Variants in RGS7 observed in about 807,000 individuals in gnomAD.
RGS7 encodes the protein regulator of G-protein signaling 7.
In RGS7, 27 loss-of-function variants were observed where a neutral mutation model predicts 81.1. The observed-to-expected ratio is 0.33, with a 90% CI of 0.25 to 0.46. The LOEUF (loss-of-function observed/expected upper bound fraction) is 0.46, where lower values mean the gene tolerates loss of function less well. Ranked by LOEUF, RGS7 falls within the 20% of genes least tolerant of loss-of-function variation. The pLI, the probability that RGS7 is intolerant of heterozygous loss-of-function variation, is 1.00. For missense variants in RGS7, 396 were observed against 607.4 expected (o/e 0.65, Z 3.66); for synonymous variants, 208 against 207.7 (o/e 1.00, Z -0.01).
chr1:240,991,143 A>G (rs1325853569), intron 3 of RGS7, among the ~76,000 whole-genome samples: 2 of 152,216 alleles, frequency 1.3e-5, no homozygotes, highest in Non-Finnish European at 2.9e-5. Flanking sequence ...AACAAATTAG[A>G]GTTCTGTGGT....
intron 2 of RGS7, among the ~76,000 whole-genome samples, chr1:241,138,028 G>A (rs1224246423): frequency 3.3e-5 from 5 of 151,852 alleles, no homozygotes; most frequent in African/African-American, 7.3e-5. Context: ...AAAATTAGCC[G>A]GGTGTGGTGG....
chr1:240,833,118 C>T (rs1449209961), intron 9 of RGS7, among the ~76,000 whole-genome samples: 3 of 152,100 alleles, frequency 2.0e-5, no homozygotes, highest in Admixed American at 1.3e-4. Context: ...AGCCTCACTG[C>T]GCTTGGGCTT....
chr1:241,307,250 C>T (rs1383369527), intron 2 of RGS7, among the ~76,000 whole-genome samples: 1 of 152,104 alleles, frequency 6.6e-6, no homozygotes, highest in African/African-American at 2.4e-5. Flanking sequence ...CTTTCTACTC[C>T]CTCCTAATGA....
At chr1:241,066,111 C>T (rs1396892094) in intron 3 of RGS7, among the ~76,000 whole-genome samples, 2 of 152,122 alleles carry the variant, frequency 1.3e-5, no homozygotes, top group African/African-American at 4.8e-5. Flanking sequence ...AATTCTTATT[C>T]ATCTCATCTA....
intron 2 of RGS7, among the ~76,000 whole-genome samples, chr1:241,250,810 A>G (rs930353044): frequency 4.6e-5 from 7 of 152,260 alleles, no homozygotes; most frequent in Non-Finnish European, 1.0e-4. Context: ...TATTGGTACC[A>G]TAAGAAGTTC....
intron 2 of RGS7, among the ~76,000 whole-genome samples, chr1:241,207,873 C>A (rs1158925201): frequency 6.6e-6 from 1 of 152,134 alleles, no homozygotes; most frequent in African/African-American, 2.4e-5. Flanking sequence ...TTCTGCTTTA[C>A]TTGTTTTGGG....
At chr1:240,871,708 T>C (rs1411427143) in intron 6 of RGS7, among the ~76,000 whole-genome samples, 2 of 152,200 alleles carry the variant, frequency 1.3e-5, no homozygotes, top group Non-Finnish European at 2.9e-5. Flanking sequence ...TTGAATAAAA[T>C]ATCTAAAATG....
At chr1:241,314,669 C>T (rs896306444) in intron 2 of RGS7, among the ~76,000 whole-genome samples, 28 of 152,192 alleles carry the variant, frequency 1.8e-4, no homozygotes, top group Admixed American at 8.5e-4. Context: ...AAAAGTAGAG[C>T]GCAGTGGGAA....
intron 2 of RGS7, among the ~76,000 whole-genome samples, chr1:241,303,863 A>G (rs7539874): frequency 0.27 from 41,712 of 152,004 alleles, 6,742 homozygotes; most frequent in African/African-American, 0.44. Flanking sequence ...GTGGCTTGCT[A>G]AGATGCAGGA....
intron 3 of RGS7, among the ~76,000 whole-genome samples, chr1:241,094,844 T>A (rs2064138411): frequency 6.6e-6 from 1 of 152,206 alleles, no homozygotes; most frequent in African/African-American, 2.4e-5. Flanking sequence ...GGGCATTACT[T>A]GGCCACCATG....
chr1:240,973,954 T>C (rs1356074772), intron 4 of RGS7, among the ~76,000 whole-genome samples: 1 of 152,174 alleles, frequency 6.6e-6, no homozygotes, highest in Non-Finnish European at 1.5e-5. Context: ...GCAGTTTAAC[T>C]AAATTCGTGG....
Position 240,855,500 on chromosome 1 carries a change from G to A in RGS7, c.609+13087C>T, listed in dbSNP as rs573171045. Among the ~76,000 whole-genome samples, 4 of 150,988 alleles carry A rather than the reference G, an allele frequency of 2.6e-5. No homozygotes were observed. In the South Asian group the frequency reaches 8.4e-4, roughly 32 times the overall value. On this transcript the variant is annotated intron_variant, in intron 9 of 18. Coordinates refer to ENST00000440928, the MANE Select transcript of RGS7 (RefSeq NM_001364886.1). ...GGCTGGAATGCAACGGCATGGTCACGGCTCACTGTGGCCTTGACCTCCCGG... is the reference window on the plus strand; with the variant it reads ...GGCTGGAATGCAACGGCATGGTCACAGCTCACTGTGGCCTTGACCTCCCGG...
chr1:241,066,245 G>A (rs1314888641), intron 3 of RGS7, among the ~76,000 whole-genome samples: 1 of 152,156 alleles, frequency 6.6e-6, no homozygotes, highest in African/African-American at 2.4e-5. Context: ...ATGCAAGAAT[G>A]GATGAGCAAT....
intron 18 of RGS7, among the ~76,000 whole-genome samples, chr1:240,782,959 C>T (rs1258614123): frequency 2.6e-5 from 4 of 152,134 alleles, no homozygotes; most frequent in Admixed American, 1.3e-4. Flanking sequence ...GACAAATATA[C>T]TCAGAACATA....
At chr1:241,153,690 G>T (rs1365398593) in intron 2 of RGS7, among the ~76,000 whole-genome samples, 1 of 152,206 alleles carries the variant, frequency 6.6e-6, no homozygotes, top group Non-Finnish European at 1.5e-5. Flanking sequence ...GACTTTTTCA[G>T]TAATAATGGT....
chr1:241,044,905 GATTA>G (rs1428149551), intron 3 of RGS7, among the ~76,000 whole-genome samples: 7 of 152,156 alleles, frequency 4.6e-5, no homozygotes, highest in East Asian at 1.9e-4. Context: ...TATTATAACT[GATTA>G]ATTGTTTTAA....
At chr1:241,209,294 G>A (rs947337550) in intron 2 of RGS7, among the ~76,000 whole-genome samples, 1 of 152,034 alleles carries the variant, frequency 6.6e-6, no homozygotes, top group African/African-American at 2.4e-5. Flanking sequence ...TTGAATAAAG[G>A]GATCTGATTC....
intron 2 of RGS7, among the ~76,000 whole-genome samples, chr1:241,118,742 C>A (rs1397209684): frequency 2.0e-5 from 3 of 152,190 alleles, no homozygotes; most frequent in South Asian, 4.1e-4. Context: ...TCCTTCCCAG[C>A]AACATGGAGG....
At chr1:241,019,300 G>A (rs2059425040) in intron 3 of RGS7, among the ~76,000 whole-genome samples, 1 of 152,088 alleles carries the variant, frequency 6.6e-6, no homozygotes, top group Admixed American at 6.5e-5. Flanking sequence ...CTCTGAAGGA[G>A]TCTGTTGCTG....
Sources: allele counts gnomAD v4.1 joint callset (sites outside exome capture counted in the v4.1 genomes callset), GRCh38; gene constraint gnomAD v4.1.1; transcripts MANE v1.5; gene names NCBI Gene and HGNC (gene_info 2026-07-23, HGNC 2026-07-21).